ITM2A: variants seen among roughly 807,000 people sequenced by gnomAD.
The protein encoded by ITM2A is integral membrane protein 2A, also known as BRICHOS domain containing 2A.
In ITM2A, 11 loss-of-function variants were observed where a neutral mutation model predicts 16.6. The ratio of observed to expected loss-of-function variants is 0.66; its 90% CI spans 0.42 to 1.10. The LOEUF (loss-of-function observed/expected upper bound fraction) is 1.10, where lower values mean the gene tolerates loss of function less well. ITM2A is among the 50% of genes least tolerant of loss of function. The pLI is 0.00. For synonymous variants in ITM2A, 102 were observed against 71.2 expected, an observed-to-expected ratio of 1.43 and a Z score of -2.18; for missense variants, 243 against 206.8, an observed-to-expected ratio of 1.17 and a Z score of -1.07.
At chrX:79,361,783 CTG>C (rs1478365716) in intron 4 of ITM2A, among the ~76,000 whole-genome samples, 1 of 109,577 alleles carries the variant, frequency 9.1e-6, no homozygotes, top group Non-Finnish European at 1.9e-5. Context: ...TTTTCTGTTG[CTG>C]TGTTAGTTTG....
At chrX:79,366,470 T>C (rs768387655) in intron 1 of ITM2A, among the ~76,000 whole-genome samples, 4 of 111,038 alleles carry the variant, frequency 3.6e-5, no homozygotes, top group African/African-American at 9.8e-5. Flanking sequence ...TCCACCTCAA[T>C]TTTGACAGCT....
In ITM2A at chrX:79,361,347, G is replaced by A. The variant is rs757729384; in HGVS notation, c.685C>T (p.Arg229Cys). ...CNNRKSFRLR[R>C]RDLLLGFNKR... ...TACTTACCCAGCAAGAGGTCTCTGC[G>A]ACGAAGGCGGAAGGACTTTCTGTTA... The change falls in exon 5 of 6, where the codon CGC becomes TGC. Residue 229 changes from arginine to cysteine, a missense_variant. Physicochemically the swap from Arg to Cys is radical, Grantham distance 180. Transcript: ENST00000373298. The A allele has an allele frequency of 1.1e-5, 13 of 1,209,090 alleles. No homozygotes were observed. Among genetic ancestry groups the A allele is most frequent in the Non-Finnish European group, 1.5e-5 (13 of 893,551 alleles).
At position 79,361,053 on chromosome X, in the gene ITM2A, ACTT is replaced by A; in HGVS notation, c.*33_*35del. 1 of 850,699 alleles carries A rather than the reference ACTT, an allele frequency of 1.2e-6. No homozygotes were observed. Among genetic ancestry groups the A allele is most frequent in the Non-Finnish European group, 1.7e-6 (1 of 582,421 alleles). 70.1% of individuals were successfully genotyped at this position (850,699 alleles called of 1,213,427 possible). On this transcript the variant is annotated 3_prime_UTR_variant, in exon 6 of 6. Coordinates refer to ENST00000373298, the MANE Select transcript of ITM2A (RefSeq NM_004867.5). ...GTTAAAGTCATATTGTAAATCTCTG[ACTT>A]CTTATTACCAAGGACACTCTATCTG... is the stretch of plus-strand genomic sequence containing the variant.
At chrX:79,365,103 T>G (rs1355771310) in intron 1 of ITM2A, among the ~76,000 whole-genome samples, 1 of 111,882 alleles carries the variant, frequency 8.9e-6, no homozygotes, top group East Asian at 2.8e-4. Flanking sequence ...ATAAAGTAAC[T>G]TGCTCATAAG....
intron 1 of ITM2A, among the ~76,000 whole-genome samples, chrX:79,366,388 A>C: frequency 9.0e-6 from 1 of 111,558 alleles, no homozygotes; most frequent in Non-Finnish European, 1.9e-5. Flanking sequence ...TTCTTTAGGA[A>C]ATACCACTCT....
chrX:79,364,237 T>C (rs907167120), intron 1 of ITM2A, among the ~76,000 whole-genome samples: 2 of 112,207 alleles, frequency 1.8e-5, no homozygotes, highest in Non-Finnish European at 3.8e-5. Context: ...GATATAAATT[T>C]AATGTTCCTA....
intron 1 of ITM2A, 37 bp from the exon 2 acceptor site, chrX:79,363,591 A>T: frequency 9.1e-7 from 1 of 1,098,562 alleles, no homozygotes; most frequent in South Asian, 2.4e-5. Context: ...ACAAAACCAG[A>T]TTGTACTTTT....
intron 4 of ITM2A, among the ~76,000 whole-genome samples, chrX:79,361,909 C>T (rs1276918674): frequency 2.9e-5 from 3 of 102,640 alleles, no homozygotes; most frequent in South Asian, 4.4e-4. Context: ...GTGTATGTAT[C>T]GCATTTTCTT....
intron 1 of ITM2A, among the ~76,000 whole-genome samples, chrX:79,365,125 C>G (rs1297562949): frequency 1.8e-5 from 2 of 111,479 alleles, no homozygotes; most frequent in Non-Finnish European, 3.8e-5. Context: ...CACATAATAG[C>G]TTAATTTGAA....
chrX:79,361,315 C>T lies in ITM2A; in HGVS notation c.703+14G>A, dbSNP rs765095730. Reference sequence around the variant, plus strand: ...GTAACACAGGGTGAAGGAAGGAATACATTAGTTACTTACCCAGCAAGAGGT... The same window carrying T: ...GTAACACAGGGTGAAGGAAGGAATATATTAGTTACTTACCCAGCAAGAGGT... On this transcript the variant is annotated intron_variant, in intron 5 of 5. Coordinates refer to ENST00000373298, the MANE Select transcript of ITM2A (RefSeq NM_004867.5). 3.3e-6 allele frequency: 4 copies of T among 1,199,941 alleles called. No homozygotes were observed. The South Asian group carries it at 7.2e-5, about 21-fold the overall frequency.
chrX:79,365,665 G>A (rs200901392), intron 1 of ITM2A, among the ~76,000 whole-genome samples: 30 of 98,380 alleles, frequency 3.0e-4, no homozygotes, highest in East Asian at 3.2e-4. Context: ...TGGCGGTGAA[G>A]AAAAAAAAAA....
At chrX:79,364,545 C>T (rs1370067893) in intron 1 of ITM2A, among the ~76,000 whole-genome samples, 2 of 112,171 alleles carry the variant, frequency 1.8e-5, no homozygotes, top group African/African-American at 6.5e-5. Context: ...CACAATACAT[C>T]CTAAGCAGCA....
intron 4 of ITM2A, among the ~76,000 whole-genome samples, chrX:79,362,139 C>G (rs1925439562): frequency 9.0e-6 from 1 of 111,301 alleles, no homozygotes; most frequent in Admixed American, 9.5e-5. Context: ...TAATTTACAC[C>G]AACACCAATG....
chrX:79,362,668 C>G lies in ITM2A; in HGVS notation c.465G>C (p.Leu155Phe), dbSNP rs1013517005. ...GCATCAGATAGCAGTTCCCCAGCAA[C>G]AAGTCCAGGTAAGCAGTCATTCCCT... is the stretch of plus-strand genomic sequence containing the variant. ...FEKGMTAYLD[L>F]LLGNCYLMPL... Residue 155 changes from leucine to phenylalanine, a missense_variant, in exon 4 of 6, where the codon TTG (leucine) becomes TTC (phenylalanine). Physicochemically the swap from Leu to Phe is conservative, Grantham distance 22. Transcript: ENST00000373298. 2 of 1,203,246 alleles carry G rather than the reference C, an allele frequency of 1.7e-6. No homozygotes were observed. Among genetic ancestry groups the G allele is most frequent in the Non-Finnish European group, 1.1e-6 (1 of 889,148 alleles).
chrX:79,366,827 C>A (rs987809198), intron 1 of ITM2A: 1 of 292,439 alleles, frequency 3.4e-6, no homozygotes. Context: ...GACAAGGAGT[C>A]CCAGGGCATC....
chrX:79,361,934 T>A (rs190140923), intron 4 of ITM2A, among the ~76,000 whole-genome samples: 1 of 109,377 alleles, frequency 9.1e-6, no homozygotes, highest in East Asian at 2.8e-4. Context: ...CACTCTATCA[T>A]TGATGGACAT....
intron 1 of ITM2A, among the ~76,000 whole-genome samples, chrX:79,364,778 A>G (rs1277808292): frequency 8.9e-6 from 1 of 111,777 alleles, no homozygotes; most frequent in Non-Finnish European, 1.9e-5. Context: ...ATGAAAGGAC[A>G]ATCATTTGTT....
chrX:79,365,550 T>G (rs1295848374), intron 1 of ITM2A, among the ~76,000 whole-genome samples: 3 of 110,602 alleles, frequency 2.7e-5, no homozygotes, highest in Admixed American at 9.7e-5. Context: ...CAAAGTATAA[T>G]CAAAGTGCAA....
intron 3 of ITM2A, 102 bp downstream of exon 3, chrX:79,362,840 A>C: frequency 1.4e-6 from 1 of 724,749 alleles, no homozygotes; most frequent in East Asian, 3.3e-5. Context: ...TTGCCTCAAA[A>C]ACATGTGCAT....
Sources: gnomAD v4.1 joint callset for allele counts (sites outside exome capture counted in the v4.1 genomes callset) on GRCh38, gnomAD v4.1.1 for gene constraint, MANE v1.5 for transcripts, NCBI Gene and HGNC (gene_info 2026-07-23, HGNC 2026-07-21) for gene names.